TRPM6: variants seen among roughly 807,000 people sequenced by gnomAD.
TRPM6 encodes the protein transient receptor potential cation channel subfamily M member 6.
TRPM6 carries 111 observed loss-of-function variants against 247.6 expected under a neutral mutation model. The ratio of observed to expected loss-of-function variants is 0.45; its 90% CI spans 0.38 to 0.52. The LOEUF (loss-of-function observed/expected upper bound fraction) is 0.52, where lower values mean the gene tolerates loss of function less well. Ranked by LOEUF, TRPM6 falls within the 20% of genes least tolerant of loss-of-function variation. The pLI is 0.00. For missense variants in TRPM6, 2,126 were observed against 2,421.5 expected (o/e 0.88, Z 2.56); for synonymous variants, 892 against 853.8 (o/e 1.04, Z -0.78).
intron 37 of TRPM6, 72 bp downstream of exon 37, chr9:74,732,613 T>C: frequency 1.7e-6 from 2 of 1,205,336 alleles, no homozygotes; most frequent in South Asian, 1.3e-5. Context: ...TATATGTTTG[T>C]AAATTATTTT....
rs1449674695 is a variant in TRPM6, at chr9:74,762,013, ATCT to A, written c.4655_4657del (p.Lys1552del). 1.2e-6 allele frequency: 2 copies of A among 1,613,948 alleles called. No homozygotes were observed. Among genetic ancestry groups the A allele is most frequent in the African/African-American group, 2.7e-5 (2 of 74,944 alleles). On this transcript the variant is annotated inframe_deletion, in exon 26 of 39. Transcript: ENST00000360774. ...TTATTCCTTACTTTTAATCTTACAG[ATCT>A]TCATCAATTTCTCCTCCTTATGGAA...
rs530260861 is a variant in TRPM6, at chr9:74,838,874, C to A, written c.544+1150G>T. ...CCTGTAATCCCAGCACTTTGGGAGG[C>A]CAAGGTGGGCAGATCGCCTGAGGTC... is the stretch of plus-strand genomic sequence containing the variant. On this transcript the variant is annotated intron_variant, in intron 5 of 38. Transcript: ENST00000360774. Among the ~76,000 whole-genome samples the A allele has an allele frequency of 2.0e-4, 30 of 152,136 alleles. No individual in the cohort carries two copies. The East Asian group carries it at 5.6e-3, about 28-fold the overall frequency.
chr9:74,752,031 T>TC (rs1212682958), intron 29 of TRPM6, among the ~76,000 whole-genome samples: 1 of 152,138 alleles, frequency 6.6e-6, no homozygotes, highest in African/African-American at 2.4e-5. Context: ...ATGCTGAACA[T>TC]CCCCAGGATA....
intron 7 of TRPM6, 195 bp downstream of exon 7, chr9:74,827,583 G>C: frequency 1.4e-6 from 1 of 694,562 alleles, no homozygotes; most frequent in Non-Finnish European, 2.7e-6. Context: ...GTGGATCCTC[G>C]AAGTGTCATT....
At chr9:74,745,672 C>T (rs1298318061) in intron 31 of TRPM6, among the ~76,000 whole-genome samples, 1 of 152,030 alleles carries the variant, frequency 6.6e-6, no homozygotes, top group Non-Finnish European at 1.5e-5. Flanking sequence ...TGCCCTGGGG[C>T]AGGTCCATGC....
chr9:74,772,716 A>G (rs1011858150), intron 24 of TRPM6, among the ~76,000 whole-genome samples: 1 of 152,124 alleles, frequency 6.6e-6, no homozygotes, highest in African/African-American at 2.4e-5. Context: ...ACTGTAGTCA[A>G]CCTACTGATG....
chr9:74,789,645 C>A (rs1405746029), intron 19 of TRPM6, among the ~76,000 whole-genome samples: 1 of 152,146 alleles, frequency 6.6e-6, no homozygotes, highest in East Asian at 1.9e-4. Context: ...CCAGTGCTCA[C>A]TGATCAATAC....
chr9:74,858,213 C>A (rs1412180735), intron 2 of TRPM6, among the ~76,000 whole-genome samples: 1 of 152,148 alleles, frequency 6.6e-6, no homozygotes, highest in African/African-American at 2.4e-5. Flanking sequence ...ACGGTGAAAC[C>A]CTGTCTCTAC....
chr9:74,871,684 C>T (rs970812879), intron 1 of TRPM6, among the ~76,000 whole-genome samples: 2 of 151,964 alleles, frequency 1.3e-5, no homozygotes, highest in African/African-American at 4.8e-5. Flanking sequence ...TAGAGAGGTA[C>T]CAATTTATAA....
chr9:74,798,260 A>G (rs150888568), intron 17 of TRPM6, among the ~76,000 whole-genome samples: 1 of 130,078 alleles, frequency 7.7e-6, no homozygotes, highest in Non-Finnish European at 1.6e-5. Flanking sequence ...ATCCTTGTCA[A>G]CCTTCTTTTT....
intron 1 of TRPM6, among the ~76,000 whole-genome samples, chr9:74,874,675 G>T (rs1479216215): frequency 2.6e-5 from 4 of 151,602 alleles, no homozygotes. Flanking sequence ...CATAAAAGAG[G>T]GATTAAACAA....
In TRPM6 at chr9:74,734,197, C is replaced by A. The variant is rs374614101; in HGVS notation, c.5777-1461G>T. Among the ~76,000 whole-genome samples, 106 of 152,264 alleles carry A rather than the reference C, an allele frequency of 7.0e-4. 4 individuals are homozygous for A. The South Asian group carries it at 9.5e-3, about 14-fold the overall frequency. On this transcript the variant is annotated intron_variant, in intron 36 of 38. Transcript: ENST00000360774. ...CAGGCCAGCCAGTAAGATTTGGGCA[C>A]AATCCAGCGATTTCTGAGATCATTC...
chr9:74,785,493 C>G (rs1405966829), intron 21 of TRPM6, among the ~76,000 whole-genome samples: 1 of 151,820 alleles, frequency 6.6e-6, no homozygotes, highest in Non-Finnish European at 1.5e-5. Flanking sequence ...TAAATACATA[C>G]AGTTACTTAT....
chr9:74,738,721 C>T, intron 35 of TRPM6, 109 bp from the exon 36 acceptor site: 1 of 909,856 alleles, frequency 1.1e-6, no homozygotes, highest in East Asian at 2.6e-5. Flanking sequence ...TATGATGCAG[C>T]CTCAATGCAC....
intron 28 of TRPM6, among the ~76,000 whole-genome samples, chr9:74,753,124 A>AAG (rs1243532598): frequency 2.0e-5 from 3 of 151,756 alleles, no homozygotes; most frequent in Non-Finnish European, 4.4e-5. Context: ...AAAAAAAAAA[A>AAG]AAAAAGAAAG....
At chr9:74,887,706 A>G (rs1831582959) in intron 1 of TRPM6, 118 bp downstream of exon 1, 6 of 1,611,366 alleles carry the variant, frequency 3.7e-6, no homozygotes, top group Admixed American at 3.3e-5. Flanking sequence ...TAGCTATTCT[A>G]GATCCTCGTT....
In TRPM6 at chr9:74,762,025, T is replaced by C; in HGVS notation, c.4646A>G (p.Lys1549Arg). 1.2e-6 allele frequency: 2 copies of C among 1,614,182 alleles called. No individual in the cohort carries two copies. The highest frequency in any genetic ancestry group is 1.7e-6 in the Non-Finnish European group (2 of 1,180,006). The change falls in exon 26 of 39, where the codon AAA (lysine) becomes AGA (arginine). Residue 1549 changes from lysine to arginine, a missense_variant. Around this residue, in one of 3 missense-constraint regions of TRPM6, gnomAD observed 717 missense variants for 715.9 expected, o/e 1.00. Coordinates refer to ENST00000360774, the MANE Select transcript of TRPM6 (RefSeq NM_017662.5). Reference sequence around the variant, plus strand: ...TTTAATCTTACAGATCTTCATCAATTTCTCCTCCTTATGGAATCTAAAACT... The same window carrying C: ...TTTAATCTTACAGATCTTCATCAATCTCTCCTCCTTATGGAATCTAAAACT... ...SHSFRFHKEE[K>R]LMKICKIKNL...
In TRPM6 at chr9:74,755,445, C is replaced by G. The variant is rs1826401877; in HGVS notation, c.4814G>C (p.Ser1605Thr). 1 of 1,614,060 alleles carries G rather than the reference C, an allele frequency of 6.2e-7. No homozygotes were observed. Among genetic ancestry groups the G allele is most frequent in the Admixed American group, 1.7e-5 (1 of 60,004 alleles). Residue 1605 changes from serine to threonine, a missense_variant, in exon 28 of 39, where the codon AGT (serine) becomes ACT (threonine). Physicochemically the swap from Ser to Thr is moderately conservative, Grantham distance 58. Around this residue, in one of 3 missense-constraint regions of TRPM6, gnomAD observed 717 missense variants for 715.9 expected, o/e 1.00. Transcript: ENST00000360774. ...PIITVNACSQSDQLNPEPGEN... is the reference protein window; with the variant it reads ...PIITVNACSQTDQLNPEPGEN... ...TCCTGGCTCTGGATTCAACTGGTCA[C>G]TCTGAGAGCAGGCATTGACTGTTAT...
chr9:74,875,004 A>T (rs868467050), intron 1 of TRPM6, among the ~76,000 whole-genome samples: 1 of 151,522 alleles, frequency 6.6e-6, no homozygotes, highest in African/African-American at 2.4e-5. Context: ...ACCTCAGGTG[A>T]TCTGCCCACC....
Sources: allele counts gnomAD v4.1 joint callset (sites outside exome capture counted in the v4.1 genomes callset), GRCh38; gene constraint gnomAD v4.1.1; regional missense constraint gnomAD v4.1.1; transcripts MANE v1.5; gene names NCBI Gene and HGNC (gene_info 2026-07-23, HGNC 2026-07-21).